CLK3: variants seen among roughly 807,000 people sequenced by gnomAD.
CLK3 encodes the protein dual specificity protein kinase CLK3.
CLK3 carries 24 observed loss-of-function variants against 65.2 expected under a neutral mutation model. The ratio of observed to expected loss-of-function variants is 0.37; its 90% CI spans 0.27 to 0.52. The LOEUF is 0.52. CLK3 is among the 20% of genes least tolerant of loss of function. The pLI is 0.92. For missense variants in CLK3, 506 were observed against 660.0 expected (o/e 0.77, Z 2.56); for synonymous variants, 252 against 240.8 (o/e 1.05, Z -0.43).
chr15:74,627,621 C>A lies in CLK3; in HGVS notation c.995C>A (p.Thr332Asn). The A allele has an allele frequency of 6.2e-7, 1 of 1,614,102 alleles. No individual in the cohort carries two copies. Among genetic ancestry groups the A allele is most frequent in the Non-Finnish European group, 8.5e-7 (1 of 1,180,030 alleles). Residue 332 changes from threonine (T) to asparagine (N), a missense_variant, in exon 9 of 13, where the codon ACC becomes AAC. By Grantham distance (65) the Thr-to-Asn change is moderately conservative. This residue lies in a region of CLK3 where 325 missense variants were observed against 500.5 expected (regional missense o/e 0.65). Transcript: ENST00000395066. The surrounding 1 kb of genome is among the most constrained non-coding windows in gnomAD (Gnocchi z 4.3). ...GCCACATTTGACCATGAGCACCACA[C>A]CACCATTGTGGCCACCCGTCACTAT... ...GSATFDHEHH[T>N]TIVATRHYRP...
At chr15:74,619,090 A>T in intron 1 of CLK3, 107 bp from the exon 2 acceptor site, 1 of 1,409,356 alleles carries the variant, frequency 7.1e-7, no homozygotes, top group Non-Finnish European at 9.7e-7. Flanking sequence ...GCCGCCTTCA[A>T]ACAGAACAAT....
upstream of CLK3, chr15:74,613,318 C>G (rs914035116): frequency 6.6e-6 from 1 of 152,190 alleles, no homozygotes; most frequent in African/African-American, 2.4e-5. Context: ...TCCACAGAGG[C>G]TGAGGACCCA....
upstream of CLK3, chr15:74,613,246 T>C (rs2062013920): frequency 6.6e-6 from 1 of 152,166 alleles, no homozygotes; most frequent in Non-Finnish European, 1.5e-5. Flanking sequence ...GCTGTGGGGT[T>C]TGGGAGGATG....
chr15:74,620,559 C>T (rs1185682360), intron 3 of CLK3: 4 of 410,744 alleles, frequency 9.7e-6, no homozygotes, highest in Non-Finnish European at 1.3e-5. Flanking sequence ...CTTAGGGATC[C>T]TAGTAGAGTG....
chr15:74,623,510 A>G (rs1286353074), intron 5 of CLK3: 1 of 152,216 alleles, frequency 6.6e-6, no homozygotes, highest in Non-Finnish European at 1.5e-5. Context: ...TGTGGCCACG[A>G]GATAGACTGA....
chr15:74,619,576 C>T (rs2062085334), intron 2 of CLK3, among the ~76,000 whole-genome samples: 1 of 152,200 alleles, frequency 6.6e-6, no homozygotes. Flanking sequence ...TTCTTCTCCC[C>T]ACACATTCCC....
chr15:74,609,303 C>G (rs2141520761), intron 1 of CLK3, among the ~76,000 whole-genome samples: 1 of 152,376 alleles, frequency 6.6e-6, no homozygotes, highest in Middle Eastern at 3.4e-3. Flanking sequence ...TCTCTACACT[C>G]CAGGCTACGA....
intron 11 of CLK3, 112 bp downstream of exon 11, chr15:74,628,795 G>A (rs2062165909): frequency 6.6e-6 from 7 of 1,066,008 alleles, no homozygotes; most frequent in East Asian, 2.4e-5. Context: ...CCATGGTTCC[G>A]CAGGCTCCTA....
chr15:74,626,720 T>A (rs942534569), intron 7 of CLK3, among the ~76,000 whole-genome samples: 1 of 150,822 alleles, frequency 6.6e-6, no homozygotes, highest in African/African-American at 2.4e-5. Context: ...CACTGGGGAG[T>A]GGTGGGCCAC....
In CLK3 at chr15:74,628,939, C is replaced by T; in HGVS notation, c.1206-3C>T. 6.2e-7 allele frequency: 1 copy of T among 1,609,064 alleles called. No homozygotes were observed. Among genetic ancestry groups the T allele is most frequent in the African/African-American group, 1.3e-5 (1 of 74,926 alleles). On this transcript the variant is annotated splice_region_variant and splice_polypyrimidine_tract_variant and intron_variant, in intron 11 of 12. Transcript: ENST00000395066. ...CACTTGACTCCACCCCCTTAATTTT[C>T]AGGAAGCAGAAATATTTCTACAAAG...
chr15:74,621,742 A>G lies in CLK3; in HGVS notation c.370-378A>G, dbSNP rs977016845. On this transcript the variant is annotated intron_variant, in intron 3 of 12. Transcript: ENST00000395066. The surrounding 1 kb of genome is among the most constrained non-coding windows in gnomAD (Gnocchi z 4.8). ...ACATGGGAGGGTCTGGGAGGGAGAG[A>G]CTCGGAGGAGGAGGAGGAGGGAGTC... 5 of 352,900 alleles carry G rather than the reference A, an allele frequency of 1.4e-5. No individual in the cohort carries two copies. The highest frequency in any genetic ancestry group is 1.1e-4 in the African/African-American group (5 of 46,512). 21.9% of individuals were successfully genotyped at this position (352,900 alleles called of 1,614,324 possible).
intron 10 of CLK3, 64 bp from the exon 11 acceptor site, chr15:74,628,540 T>C: frequency 4.1e-6 from 5 of 1,230,902 alleles, no homozygotes; most frequent in South Asian, 1.4e-5. Context: ...TTCTTGTTCC[T>C]TTTTCTCCTT....
intron 6 of CLK3, among the ~76,000 whole-genome samples, chr15:74,625,483 C>T (rs927347278): frequency 3.3e-5 from 5 of 152,144 alleles, no homozygotes; most frequent in African/African-American, 1.2e-4. Flanking sequence ...TAGCACTTTC[C>T]ATCTCTCCCT....
rs117329237 is a variant in CLK3 at position 74,616,296 on chromosome 15, G to C, written c.-1+398G>C. ...CCTTGGCGGCCTGGAGTTTGATTCTGGCCCAGTCCGGCTTTCCCTCTGTCC... is the reference window on the plus strand; with the variant it reads ...CCTTGGCGGCCTGGAGTTTGATTCTCGCCCAGTCCGGCTTTCCCTCTGTCC... On this transcript the variant is annotated intron_variant, in intron 1 of 12. Coordinates refer to ENST00000395066, the MANE Select transcript of CLK3 (RefSeq NM_001130028.2). Among the ~76,000 whole-genome samples the C allele has an allele frequency of 6.0e-3, 915 of 152,294 alleles. 3 individuals carry two copies. Among genetic ancestry groups the C allele is most frequent in the Admixed American group, 0.014 (221 of 15,310 alleles).
chr15:74,628,499 G>T, intron 10 of CLK3, 105 bp from the exon 11 acceptor site: 1 of 763,720 alleles, frequency 1.3e-6, no homozygotes, highest in Non-Finnish European at 2.2e-6. Context: ...AGGTTTGCAT[G>T]TCCTGGGGCA....
Position 74,620,148 on chromosome 15 carries a change from A to AG in CLK3, c.297dup (p.Pro100AlafsTer20). ...TCGTCATCGTCGGCGATCGCGGGAG[A>AG]GGGGGCCATACCGGACCCGCAAGCA... On this transcript the variant is annotated frameshift_variant, in exon 3 of 13. Coordinates refer to ENST00000395066, the MANE Select transcript of CLK3 (RefSeq NM_001130028.2). LOFTEE classifies it high-confidence loss of function. The AG allele has an allele frequency of 6.2e-7, 1 of 1,614,042 alleles. No homozygotes were observed. Among genetic ancestry groups the AG allele is most frequent in the Non-Finnish European group, 8.5e-7 (1 of 1,180,028 alleles).
rs1204251140 is a variant in CLK3, at chr15:74,627,792, G to A, written c.1042+124G>A. On this transcript the variant is annotated intron_variant, in intron 9 of 12. Transcript: ENST00000395066. The surrounding 1 kb of genome is among the most constrained non-coding windows in gnomAD (Gnocchi z 4.3). ...GCAGGCAGAGTTTCTCAGACCAAGG[G>A]GCCAGTGTCATGAGACACAGGTGAC... The A allele has an allele frequency of 4.2e-6, 6 of 1,417,742 alleles. No homozygotes were observed. The highest frequency in any genetic ancestry group is 5.9e-6 in the Non-Finnish European group (6 of 1,016,826). 87.8% of individuals were successfully genotyped at this position (1,417,742 alleles called of 1,614,324 possible).
chr15:74,622,814 TCTTCA>T lies in CLK3; in HGVS notation c.533+259_533+263del, dbSNP rs566723035. Among the ~76,000 whole-genome samples, 509 of 152,294 alleles carry T rather than the reference TCTTCA, an allele frequency of 3.3e-3. 3 individuals are homozygous for T. The highest frequency in any genetic ancestry group is 5.6e-3 in the Admixed American group (85 of 15,300). ...GTCAGTGAAAGGTTCTGCTCCAATC[TCTTCA>T]CTTCTCCAGGGCTGTGGTGGTGGAT... is the stretch of plus-strand genomic sequence containing the variant. On this transcript the variant is annotated intron_variant, in intron 5 of 12. Transcript: ENST00000395066. The surrounding 1 kb of genome is among the most constrained non-coding windows in gnomAD (Gnocchi z 4.6).
In CLK3 at chr15:74,628,059, C is replaced by A; in HGVS notation, c.1125+7C>A. On this transcript the variant is annotated splice_region_variant and intron_variant, in intron 10 of 12. Transcript: ENST00000395066. ...GGGCTTCACACTCTTCCAGGTACAG[C>A]CACCCTGCATTGGTCCCCTACCCTG... 6.3e-7 allele frequency: 1 copy of A among 1,599,458 alleles called. No individual in the cohort carries two copies. The highest frequency in any genetic ancestry group is 8.6e-7 in the Non-Finnish European group (1 of 1,166,554).
Sources: gnomAD v4.1 joint callset for allele counts (sites outside exome capture counted in the v4.1 genomes callset) on GRCh38, gnomAD v4.1.1 for gene constraint, gnomAD v4.1.1 regional missense constraint, Gnocchi (gnomAD v3.1) non-coding constraint, MANE v1.5 for transcripts, NCBI Gene and HGNC (gene_info 2026-07-23, HGNC 2026-07-21) for gene names.